The following FBN1 variants were observed in gnomAD, a reference collection of about 807,000 sequenced individuals.
FBN1 encodes fibrillin-1.
Under a neutral mutation model 365.1 loss-of-function variants are expected in FBN1, and 29 were observed. The observed-to-expected ratio is 0.08, with a 90% CI of 0.06 to 0.11. FBN1 has a LOEUF of 0.11. Ranked by LOEUF, FBN1 falls within the 10% of genes least tolerant of loss-of-function variation. The probability of loss-of-function intolerance (pLI) is 1.00; values close to 1 mark genes in which losing one functional copy is unlikely to be tolerated. For missense variants in FBN1, 2,476 were observed against 3,703.2 expected, an observed-to-expected ratio of 0.67 and a Z score of 8.60; for synonymous variants, 1,210 against 1,270.5, an observed-to-expected ratio of 0.95 and a Z score of 1.01.
intron 6 of FBN1, among the ~76,000 whole-genome samples, chr15:48,570,579 T>C (rs553826622): frequency 2.0e-4 from 30 of 152,302 alleles, no homozygotes; most frequent in Admixed American, 7.8e-4. Context: ...CTCCCCTATC[T>C]AACATTTCTT....
At chr15:48,461,412 A>C (rs1431109521) in intron 42 of FBN1, among the ~76,000 whole-genome samples, 1 of 152,202 alleles carries the variant, frequency 6.6e-6, no homozygotes, top group Non-Finnish European at 1.5e-5. Flanking sequence ...ATCCATTAGG[A>C]TAAAAAAGAA....
chr15:48,562,143 C>T (rs1051830416), intron 6 of FBN1, among the ~76,000 whole-genome samples: 1 of 152,012 alleles, frequency 6.6e-6, no homozygotes, highest in Admixed American at 6.6e-5. Context: ...GCTCTGTGAC[C>T]CCTGGTTAGT....
chr15:48,445,625 G>A (rs2043152880), intron 47 of FBN1, 121 bp from the exon 48 acceptor site: 2 of 1,074,568 alleles, frequency 1.9e-6, no homozygotes, highest in South Asian at 1.3e-5. Context: ...TGCTGGCTTA[G>A]CCAAACAAGA....
intron 55 of FBN1, among the ~76,000 whole-genome samples, chr15:48,432,551 T>A (rs2043031276): frequency 6.6e-6 from 1 of 152,226 alleles, no homozygotes; most frequent in East Asian, 1.9e-4. Flanking sequence ...TCTCAATCTC[T>A]TCATATTGGG....
At position 48,487,406 on chromosome 15, in the gene FBN1, T is replaced by C. The variant is rs1245413946; in HGVS notation, c.3369A>G (p.Leu1123=). ...DIDECQRDPL[L]CRGGVCHNTE... ...TGTTATGGCAAACACCACCTCGGCA[T>C]AGGAGAGGATCTCTCTGACACTCAT... Residue 1123 remains leucine, a synonymous_variant, in exon 28 of 66, where the codon CTA becomes CTG. Transcript: ENST00000316623. 7 of 1,614,038 alleles carry C rather than the reference T, an allele frequency of 4.3e-6. No homozygotes were observed. In the Admixed American group the frequency reaches 1.2e-4, roughly 27 times the overall value.
In FBN1 at chr15:48,495,457, A is replaced by G; in HGVS notation, c.2539+12T>C. ...ATAAACATAGAAAAATCATTCTCAG[A>G]AAGATAAATACCTATGCAGATGGTT... On this transcript the variant is annotated intron_variant, in intron 21 of 65. Coordinates refer to ENST00000316623, the MANE Select transcript of FBN1 (RefSeq NM_000138.5). 1 of 1,612,268 alleles carries G rather than the reference A, an allele frequency of 6.2e-7. No individual in the cohort carries two copies. The highest frequency in any genetic ancestry group is 8.5e-7 in the Non-Finnish European group (1 of 1,179,620).
chr15:48,446,857 A>C (rs758392499), intron 46 of FBN1, 35 bp from the exon 47 acceptor site: 16 of 1,424,416 alleles, frequency 1.1e-5, no homozygotes, highest in Admixed American at 3.4e-5. Flanking sequence ...AAACATAATT[A>C]TAAGTAGAAA....
At chr15:48,617,237 C>A (rs1171702407) in intron 2 of FBN1, among the ~76,000 whole-genome samples, 1 of 151,810 alleles carries the variant, frequency 6.6e-6, no homozygotes, top group Admixed American at 6.6e-5. Context: ...TGCAACAGTG[C>A]GATCTCGGCT....
At position 48,448,552 on chromosome 15, in the gene FBN1, T is replaced by C. The variant is rs182761605; in HGVS notation, c.5671+216A>G. 2.6e-5 allele frequency among the ~76,000 whole-genome samples: 4 copies of C among 152,332 alleles called. No individual in the cohort carries two copies. The East Asian group carries it at 5.8e-4, about 22-fold the overall frequency. The stretch of plus-strand genomic sequence containing the variant: ...AATTTACCCCTTAGTCAATTTTTTC[T>C]AAACTGACAGCCAAATGAATAACAA... On this transcript the variant is annotated intron_variant, in intron 46 of 65. Transcript: ENST00000316623.
At chr15:48,576,096 A>C (rs1433607897) in intron 6 of FBN1, among the ~76,000 whole-genome samples, 4 of 152,156 alleles carry the variant, frequency 2.6e-5, no homozygotes, top group Non-Finnish European at 4.4e-5. Flanking sequence ...GTTGACTCTC[A>C]ATGAACACAA....
chr15:48,447,069 A>C (rs1358909480), intron 46 of FBN1, among the ~76,000 whole-genome samples: 1 of 152,074 alleles, frequency 6.6e-6, no homozygotes, highest in African/African-American at 2.4e-5. Context: ...AGGACATGAG[A>C]CCTGAACAAG....
At chr15:48,422,881 C>T (rs759962768) in intron 60 of FBN1, among the ~76,000 whole-genome samples, 16 of 151,964 alleles carry the variant, frequency 1.1e-4, no homozygotes, top group African/African-American at 3.4e-4. Context: ...GAGCTGAGAT[C>T]GCACCACTGC....
intron 50 of FBN1, among the ~76,000 whole-genome samples, chr15:48,438,381 T>G (rs766107645): frequency 6.6e-6 from 1 of 152,180 alleles, no homozygotes; most frequent in South Asian, 2.1e-4. Flanking sequence ...TGTGGTTTAT[T>G]CTGTGTCCCC....
At chr15:48,418,233 C>A (rs1052248137) in intron 63 of FBN1, among the ~76,000 whole-genome samples, 1 of 152,094 alleles carries the variant, frequency 6.6e-6, no homozygotes, top group African/African-American at 2.4e-5. Context: ...CTGGGATAAG[C>A]AAGGAAGTTA....
chr15:48,538,900 T>G (rs1183557482), intron 6 of FBN1, among the ~76,000 whole-genome samples: 1 of 152,212 alleles, frequency 6.6e-6, no homozygotes, highest in Admixed American at 6.5e-5. Context: ...CGCAACAGTT[T>G]TATGAAAATC....
chr15:48,608,905 T>A (rs890418409), intron 4 of FBN1, among the ~76,000 whole-genome samples: 1 of 152,234 alleles, frequency 6.6e-6, no homozygotes, highest in Non-Finnish European at 1.5e-5. Context: ...GAAGTCATTA[T>A]CAGTTCACAT....
chr15:48,596,932 G>A (rs1445470664), intron 5 of FBN1, among the ~76,000 whole-genome samples: 3 of 152,126 alleles, frequency 2.0e-5, no homozygotes, highest in Non-Finnish European at 4.4e-5. Flanking sequence ...GATGCTTCAG[G>A]GCAGGATATT....
chr15:48,585,905 A>G (rs2044432029), intron 6 of FBN1, among the ~76,000 whole-genome samples: 1 of 152,222 alleles, frequency 6.6e-6, no homozygotes, highest in South Asian at 2.1e-4. Context: ...AGTAAAGAAA[A>G]TATTTTTAAG....
intron 2 of FBN1, among the ~76,000 whole-genome samples, chr15:48,638,634 T>A (rs1890142121): frequency 1.4e-5 from 2 of 138,476 alleles, no homozygotes; most frequent in Non-Finnish European, 3.2e-5. Context: ...TTTTTTTTTT[T>A]ACCATTATGG....
Sources: gnomAD v4.1 joint callset for allele counts (sites outside exome capture counted in the v4.1 genomes callset) on GRCh38, gnomAD v4.1.1 for gene constraint, MANE v1.5 for transcripts, NCBI Gene and HGNC (gene_info 2026-07-23, HGNC 2026-07-21) for gene names.